PEPD: variants seen among roughly 807,000 people sequenced by gnomAD.
PEPD encodes xaa-Pro dipeptidase.
Under a neutral mutation model 60.7 loss-of-function variants are expected in PEPD, and 53 were observed. That is an observed-to-expected ratio of 0.87 (90% CI 0.70 to 1.10). PEPD has a LOEUF of 1.10. Ranked by LOEUF, PEPD falls within the 50% of genes least tolerant of loss-of-function variation. PEPD has a pLI of 0.00. For synonymous variants in PEPD, 267 were observed against 284.1 expected (o/e 0.94, Z 0.60); for missense variants, 711 against 711.9 (o/e 1.00, Z 0.01).
At chr19:33,482,916 C>T (rs749773105) in intron 6 of PEPD, among the ~76,000 whole-genome samples, 2 of 152,182 alleles carry the variant, frequency 1.3e-5, no homozygotes, top group African/African-American at 4.8e-5. Flanking sequence ...ACCAACTTGA[C>T]GTAATTGACA....
intron 7 of PEPD, among the ~76,000 whole-genome samples, chr19:33,468,305 G>A (rs895079460): frequency 1.2e-4 from 18 of 152,246 alleles, no homozygotes; most frequent in African/African-American, 3.9e-4. Flanking sequence ...ACACTCTCAA[G>A]ATCAGCAAAG....
chr19:33,498,601 C>A (rs1389467003), intron 4 of PEPD, among the ~76,000 whole-genome samples: 1 of 152,212 alleles, frequency 6.6e-6, no homozygotes, highest in African/African-American at 2.4e-5. Flanking sequence ...GTCCTTGAGA[C>A]AGGGTCCTGG....
chr19:33,439,829 C>A (rs1358014616), intron 9 of PEPD, among the ~76,000 whole-genome samples: 1 of 152,160 alleles, frequency 6.6e-6, no homozygotes, highest in African/African-American at 2.4e-5. Context: ...CTGATAAATG[C>A]CATTTATAAA....
intron 9 of PEPD, among the ~76,000 whole-genome samples, chr19:33,422,818 A>ATCTATCTATCTATC (rs59966788): frequency 1.1e-4 from 15 of 131,090 alleles, no homozygotes; most frequent in African/African-American, 2.8e-4. Flanking sequence ...CCATCCTTCT[A>ATCTATCTATCTATC]TATCTATCTA....
At chr19:33,404,730 C>T (rs1377672444) in intron 11 of PEPD, among the ~76,000 whole-genome samples, 7 of 152,164 alleles carry the variant, frequency 4.6e-5, no homozygotes, top group South Asian at 2.1e-4. Context: ...TACACCCAGC[C>T]AGCCAGCTCC....
At chr19:33,479,426 T>C (rs980953143) in intron 6 of PEPD, among the ~76,000 whole-genome samples, 1 of 152,214 alleles carries the variant, frequency 6.6e-6, no homozygotes, top group African/African-American at 2.4e-5. Flanking sequence ...TTTTTTAATT[T>C]TAAGTTCAGG....
chr19:33,495,840 T>C (rs1970592510), intron 4 of PEPD, among the ~76,000 whole-genome samples: 1 of 151,838 alleles, frequency 6.6e-6, no homozygotes, highest in Admixed American at 6.6e-5. Flanking sequence ...ACAAAAAAAT[T>C]AGCCGGGCTT....
chr19:33,474,101 C>T (rs989512296), intron 7 of PEPD, among the ~76,000 whole-genome samples: 3 of 152,170 alleles, frequency 2.0e-5, no homozygotes, highest in Non-Finnish European at 1.5e-5. Context: ...CAAGCATCTG[C>T]CCCCTGGTTC....
intron 9 of PEPD, among the ~76,000 whole-genome samples, chr19:33,443,329 G>A (rs1028031741): frequency 1.1e-4 from 16 of 152,210 alleles, no homozygotes; most frequent in African/African-American, 3.6e-4. Flanking sequence ...GTAGGAGTTG[G>A]TGGACATTTG....
intron 13 of PEPD, chr19:33,388,474 G>A: frequency 2.7e-6 from 1 of 371,262 alleles, no homozygotes; most frequent in Non-Finnish European, 5.2e-6. Context: ...AAGCTCTTAA[G>A]GCGGCTGTGA....
chr19:33,463,322 T>C (rs939289028), intron 8 of PEPD, among the ~76,000 whole-genome samples: 1 of 152,180 alleles, frequency 6.6e-6, no homozygotes, highest in Non-Finnish European at 1.5e-5. Flanking sequence ...CCGAGGACAG[T>C]GAGGATTTAA....
intron 7 of PEPD, among the ~76,000 whole-genome samples, chr19:33,467,111 C>T (rs1330711489): frequency 2.7e-5 from 4 of 149,790 alleles, no homozygotes. Flanking sequence ...GAGCCGAGAT[C>T]ACGCCACTGC....
intron 9 of PEPD, among the ~76,000 whole-genome samples, chr19:33,446,324 C>T (rs117228084): frequency 1.8e-3 from 268 of 152,364 alleles, no homozygotes; most frequent in Non-Finnish European, 3.2e-3. Context: ...TTCAAAGACT[C>T]CAGCTCATGC....
intron 9 of PEPD, among the ~76,000 whole-genome samples, chr19:33,435,553 C>T (rs540211768): frequency 6.6e-6 from 1 of 152,216 alleles, no homozygotes; most frequent in East Asian, 1.9e-4. Flanking sequence ...AACCAACCCC[C>T]CTCGTTCGGT....
chr19:33,473,304 C>T (rs762684065), intron 7 of PEPD, among the ~76,000 whole-genome samples: 29 of 152,088 alleles, frequency 1.9e-4, no homozygotes, highest in Non-Finnish European at 2.9e-4. Context: ...ACAGACACAC[C>T]GAGAATTTAG....
At chr19:33,488,565 A>G (rs1442319132) in intron 6 of PEPD, among the ~76,000 whole-genome samples, 1 of 152,128 alleles carries the variant, frequency 6.6e-6, no homozygotes, top group Non-Finnish European at 1.5e-5. Flanking sequence ...GAGCAGCTCC[A>G]TGGCCAGCAT....
chr19:33,499,091 C>A (rs867134382), intron 4 of PEPD, among the ~76,000 whole-genome samples: 1 of 152,256 alleles, frequency 6.6e-6, no homozygotes, highest in Middle Eastern at 3.4e-3. Flanking sequence ...CTGAGACATA[C>A]AAGGCAAGTG....
intron 12 of PEPD, 71 bp from the exon 13 acceptor site, chr19:33,391,550 G>A: frequency 7.2e-7 from 1 of 1,380,184 alleles, no homozygotes; most frequent in Non-Finnish European, 1.0e-6. Flanking sequence ...GGGGCTGGGA[G>A]ATGTGAAGCC....
intron 7 of PEPD, among the ~76,000 whole-genome samples, chr19:33,474,545 G>A (rs1209287898): frequency 2.0e-5 from 3 of 152,074 alleles, no homozygotes; most frequent in Admixed American, 6.6e-5. Flanking sequence ...AAAAGTAGCC[G>A]GGCATGGTGG....
Sources: allele counts gnomAD v4.1 joint callset (sites outside exome capture counted in the v4.1 genomes callset), GRCh38; gene constraint gnomAD v4.1.1; transcripts MANE v1.5; gene names NCBI Gene and HGNC (gene_info 2026-07-23, HGNC 2026-07-21).